Variants in RAB11FIP3 observed in about 807,000 individuals in gnomAD.
The protein encoded by RAB11FIP3 is RAB11 family interacting protein 3.
A neutral mutation model predicts 77.8 loss-of-function variants in RAB11FIP3; 17 were observed. That is an observed-to-expected ratio of 0.22 (90% CI 0.15 to 0.33). RAB11FIP3 has a LOEUF of 0.33. RAB11FIP3 is among the 10% of genes least tolerant of loss of function. The pLI, the probability that RAB11FIP3 is intolerant of heterozygous loss-of-function variation, is 1.00. For missense variants in RAB11FIP3, 1,005 were observed against 1,011.2 expected (o/e 0.99, Z 0.08); for synonymous variants, 437 against 448.2 (o/e 0.98, Z 0.31).
At chr16:466,583 G>GT (rs2055705005) in intron 2 of RAB11FIP3, among the ~76,000 whole-genome samples, 1 of 152,228 alleles carries the variant, frequency 6.6e-6, no homozygotes, top group Admixed American at 6.5e-5. Context: ...TGTCTGGGAA[G>GT]CCTGGGGGCT....
chr16:493,301 A>G (rs1299820428), intron 5 of RAB11FIP3, among the ~76,000 whole-genome samples: 1 of 151,292 alleles, frequency 6.6e-6, no homozygotes, highest in East Asian at 1.9e-4. Context: ...TATGCTATTC[A>G]ATTCAACACA....
In RAB11FIP3 at chr16:518,205, A is replaced by C. The variant is rs539266815; in HGVS notation, c.1641-738A>C. On this transcript the variant is annotated intron_variant, in intron 9 of 13. Transcript: ENST00000262305. ...GTGATCCTCCTACCTCAGCCCCTCAAGTAGCTGGAGCTACAGGCATGTGCC... is the reference window on the plus strand; with the variant it reads ...GTGATCCTCCTACCTCAGCCCCTCACGTAGCTGGAGCTACAGGCATGTGCC... 7.6e-3 allele frequency among the ~76,000 whole-genome samples: 1,163 copies of C among 152,306 alleles called. 9 individuals are homozygous for C. The highest frequency in any genetic ancestry group is 0.021 in the South Asian group (100 of 4,828).
rs531556668 is a variant in RAB11FIP3 at position 469,741 on chromosome 16, T to C, written c.809-1554T>C. On this transcript the variant is annotated intron_variant, in intron 2 of 13. Coordinates refer to ENST00000262305, the MANE Select transcript of RAB11FIP3 (RefSeq NM_014700.4). ...ATCTTTGCTATATTGCCCAGGCCAGTCTTGAACTCCTGGACTTAAGCAATC... is the reference window on the plus strand; with the variant it reads ...ATCTTTGCTATATTGCCCAGGCCAGCCTTGAACTCCTGGACTTAAGCAATC... 3.9e-5 allele frequency among the ~76,000 whole-genome samples: 6 copies of C among 152,280 alleles called. No individual in the cohort carries two copies. The East Asian group carries it at 1.2e-3, about 29-fold the overall frequency.
intron 1 of RAB11FIP3, among the ~76,000 whole-genome samples, chr16:460,012 G>C (rs2055577179): frequency 6.6e-6 from 1 of 151,740 alleles, no homozygotes; most frequent in African/African-American, 2.4e-5. Context: ...TGAGTAGCTG[G>C]GATTACAGGC....
intron 5 of RAB11FIP3, among the ~76,000 whole-genome samples, chr16:489,684 G>A (rs1056349431): frequency 2.6e-5 from 4 of 152,206 alleles, no homozygotes; most frequent in African/African-American, 7.2e-5. Flanking sequence ...AGTCAAGGCC[G>A]AGCCTCTTTA....
rs535015780 is a variant in RAB11FIP3 at position 514,873 on chromosome 16, A to T, written c.1641-4070A>T. On this transcript the variant is annotated intron_variant, in intron 9 of 13. Coordinates refer to ENST00000262305, the MANE Select transcript of RAB11FIP3 (RefSeq NM_014700.4). The surrounding 1 kb of genome is among the most constrained non-coding windows in gnomAD (Gnocchi z 4.6). ...CCGGCGTTGGGGTACATGGCCCATC[A>T]TCAGGCACAGAGTGAACTGGGTGAA... Among the ~76,000 whole-genome samples the T allele has an allele frequency of 6.6e-6, 1 of 152,240 alleles. No individual in the cohort carries two copies. The highest frequency in any genetic ancestry group is 1.5e-5 in the Non-Finnish European group (1 of 68,048).
At chr16:427,606 A>G (rs911704091) in intron 1 of RAB11FIP3, among the ~76,000 whole-genome samples, 1 of 152,256 alleles carries the variant, frequency 6.6e-6, no homozygotes, top group African/African-American at 2.4e-5. Context: ...ACATCAAATA[A>G]TACCAGTGCT....
intron 4 of RAB11FIP3, among the ~76,000 whole-genome samples, chr16:487,944 A>G (rs1016271432): frequency 3.3e-5 from 5 of 152,098 alleles, no homozygotes; most frequent in African/African-American, 1.2e-4. Flanking sequence ...AGGTGCTTGA[A>G]CCCAGATGCT....
At chr16:445,091 GTGA>G (rs2055289643) in intron 1 of RAB11FIP3, among the ~76,000 whole-genome samples, 1 of 127,898 alleles carries the variant, frequency 7.8e-6, no homozygotes, top group Non-Finnish European at 1.6e-5. Flanking sequence ...TCCAGCCTGG[GTGA>G]CAGAGCGAGA....
At chr16:482,266 G>A in intron 3 of RAB11FIP3, 1 of 640,474 alleles carries the variant, frequency 1.6e-6, no homozygotes. Context: ...TTGTTGGCCA[G>A]GCTGGTCTTG....
intron 2 of RAB11FIP3, among the ~76,000 whole-genome samples, chr16:468,921 T>G (rs1444594051): frequency 6.6e-6 from 1 of 152,246 alleles, no homozygotes; most frequent in Non-Finnish European, 1.5e-5. Context: ...TCAGATTGTT[T>G]GCCCACTGTC....
At chr16:456,888 C>G (rs751411311) in intron 1 of RAB11FIP3, among the ~76,000 whole-genome samples, 17 of 152,108 alleles carry the variant, frequency 1.1e-4, no homozygotes, top group African/African-American at 4.1e-4. Context: ...AAGAAGTGTC[C>G]GTGCCATCGG....
chr16:468,475 A>G lies in RAB11FIP3; in HGVS notation c.809-2820A>G, dbSNP rs144183128. ...TCGAAGATGATTTTGGAATTATTTC[A>G]TAGCATTTAGAAGAAAGGAAAATGT... On this transcript the variant is annotated intron_variant, in intron 2 of 13. Coordinates refer to ENST00000262305, the MANE Select transcript of RAB11FIP3 (RefSeq NM_014700.4). Among the ~76,000 whole-genome samples the G allele has an allele frequency of 2.0e-3, 299 of 152,208 alleles. 2 individuals carry two copies. The highest frequency in any genetic ancestry group is 6.8e-3 in the African/African-American group (280 of 41,474).
chr16:448,851 G>A (rs554989926), intron 1 of RAB11FIP3, among the ~76,000 whole-genome samples: 17 of 152,046 alleles, frequency 1.1e-4, no homozygotes, highest in Admixed American at 1.0e-3. Flanking sequence ...GGAGGTGGGG[G>A]TTGCGGTGAG....
intron 1 of RAB11FIP3, among the ~76,000 whole-genome samples, chr16:449,075 A>G (rs1186126082): frequency 6.6e-6 from 1 of 152,134 alleles, no homozygotes; most frequent in African/African-American, 2.4e-5. Flanking sequence ...ACCACACTCT[A>G]CACAGTAGAG....
chr16:434,355 C>T (rs984676524), intron 1 of RAB11FIP3, among the ~76,000 whole-genome samples: 1 of 152,172 alleles, frequency 6.6e-6, no homozygotes, highest in Non-Finnish European at 1.5e-5. Context: ...CGCTCCTGAC[C>T]TCAAGTGATC....
chr16:425,915 G>C lies in RAB11FIP3; in HGVS notation c.-92G>C. The C allele has an allele frequency of 2.5e-6, 1 of 406,204 alleles. No homozygotes were observed. The highest frequency in any genetic ancestry group is 3.3e-6 in the Non-Finnish European group (1 of 301,106). 25.2% of individuals were successfully genotyped at this position (406,204 alleles called of 1,614,324 possible). A position where few individuals can be genotyped will look rare whatever the true frequency, so the allele number is the denominator to read the frequency against. ...CCGGGCGCCCCGCGCGCGCCCGCCCGCGCCGCCGAGGGGATGCCCGCGCCC... is the reference window on the plus strand; with the variant it reads ...CCGGGCGCCCCGCGCGCGCCCGCCCCCGCCGCCGAGGGGATGCCCGCGCCC... On this transcript the variant is annotated 5_prime_UTR_variant, in exon 1 of 14. Transcript: ENST00000262305.
chr16:470,443 C>G (rs1017205700), intron 2 of RAB11FIP3, among the ~76,000 whole-genome samples: 1 of 152,200 alleles, frequency 6.6e-6, no homozygotes, highest in Non-Finnish European at 1.5e-5. Flanking sequence ...CCAACCTTCA[C>G]TTTTAAAATA....
rs1359579200 is a variant in RAB11FIP3 at position 514,613 on chromosome 16, A to C, written c.1640+3813A>C. On this transcript the variant is annotated intron_variant, in intron 9 of 13. Coordinates refer to ENST00000262305, the MANE Select transcript of RAB11FIP3 (RefSeq NM_014700.4). The surrounding 1 kb of genome is among the most constrained non-coding windows in gnomAD (Gnocchi z 4.6). Reference sequence around the variant, plus strand: ...CCGGGAAAGGAGAATATGTGTCATCAGCAGAATGGGGCTGTACGAAGGTCA... The same window carrying C: ...CCGGGAAAGGAGAATATGTGTCATCCGCAGAATGGGGCTGTACGAAGGTCA... Among the ~76,000 whole-genome samples the C allele has an allele frequency of 6.6e-6, 1 of 152,198 alleles. No individual in the cohort carries two copies. Among genetic ancestry groups the C allele is most frequent in the Non-Finnish European group, 1.5e-5 (1 of 68,038 alleles).
Sources: gnomAD v4.1 joint callset for allele counts (sites outside exome capture counted in the v4.1 genomes callset) on GRCh38, gnomAD v4.1.1 for gene constraint, Gnocchi (gnomAD v3.1) non-coding constraint, MANE v1.5 for transcripts, NCBI Gene and HGNC (gene_info 2026-07-23, HGNC 2026-07-21) for gene names.